Variants in SCN1A observed in about 807,000 individuals in gnomAD.
SCN1A encodes the protein sodium voltage-gated channel alpha subunit 1, also known as sodium channel protein type 1 subunit alpha.
SCN1A carries 13 observed loss-of-function variants against 193.7 expected under a neutral mutation model. That is an observed-to-expected ratio of 0.07 (90% CI 0.04 to 0.11). SCN1A has a LOEUF of 0.11. Ranked by LOEUF, SCN1A falls within the 10% of genes least tolerant of loss-of-function variation. SCN1A has a pLI of 1.00. For synonymous variants in SCN1A, 781 were observed against 843.6 expected (o/e 0.93, Z 1.29); for missense variants, 1,432 against 2,451.1 (o/e 0.58, Z 8.78).
At chr2:166,051,652 T>C in intron 9 of SCN1A, 67 bp downstream of exon 9, 1 of 1,278,008 alleles carries the variant, frequency 7.8e-7, no homozygotes, top group African/African-American at 1.5e-5. Flanking sequence ...CCTCAAGTAT[T>C]TATCCTTTGT....
At chr2:166,064,657 C>CT (rs1683655120) in intron 4 of SCN1A, among the ~76,000 whole-genome samples, 1 of 151,968 alleles carries the variant, frequency 6.6e-6, no homozygotes, top group Non-Finnish European at 1.5e-5. Flanking sequence ...TTTCCAGTTT[C>CT]TTTTTCTCAT....
At position 166,038,063 on chromosome 2, in the gene SCN1A, C is replaced by T. The variant is rs368663649; in HGVS notation, c.2659G>A (p.Val887Met). The change falls in exon 18 of 29, where the codon GTG becomes ATG. Residue 887 changes from valine (V) to methionine (M), a missense_variant. Around this residue, in one of 18 missense-constraint regions of SCN1A, gnomAD observed 93 missense variants for 260.4 expected, o/e 0.36. Transcript: ENST00000674923. ...NMLIKIIGNS[V>M]GALGNLTLVL... ...AGGGTTAAATTTCCCAGAGCCCCCA[C>T]GGAATTGCCGATGATCTTTATTAGC... is the stretch of plus-strand genomic sequence containing the variant. The T allele has an allele frequency of 6.2e-6, 10 of 1,613,996 alleles. No homozygotes were observed. The highest frequency in any genetic ancestry group is 1.6e-4 in the Middle Eastern group (1 of 6,084).
intron 4 of SCN1A, among the ~76,000 whole-genome samples, chr2:166,069,258 T>C (rs1346584019): frequency 6.6e-6 from 1 of 152,192 alleles, no homozygotes; most frequent in Non-Finnish European, 1.5e-5. Context: ...GTTTTTAACC[T>C]GGAACTCTGA....
Position 166,058,550 on chromosome 2 carries a change from A to T in SCN1A, c.383+20T>A. ...AGATCATGTACAAATAGTTAATATT[A>T]ATCACTTGAAAAAGGATATGAATGT... On this transcript the variant is annotated intron_variant, in intron 5 of 28. Coordinates refer to ENST00000674923, the MANE Select transcript of SCN1A (RefSeq NM_001165963.4). The T allele has an allele frequency of 7.7e-7, 1 of 1,303,494 alleles. No homozygotes were observed. The highest frequency in any genetic ancestry group is 1.1e-6 in the Non-Finnish European group (1 of 897,990). 80.7% of individuals were successfully genotyped at this position (1,303,494 alleles called of 1,614,324 possible). A position where few individuals can be genotyped will look rare whatever the true frequency, so the allele number is the denominator to read the frequency against.
chr2:166,136,795 G>A (rs1691877131), intron 1 of SCN1A, among the ~76,000 whole-genome samples: 1 of 152,200 alleles, frequency 6.6e-6, no homozygotes. Flanking sequence ...CCAGATTCCG[G>A]TGAGAGCTAG....
At chr2:165,997,135 TA>T (rs1690187558) in intron 26 of SCN1A, among the ~76,000 whole-genome samples, 1 of 151,172 alleles carries the variant, frequency 6.6e-6, no homozygotes, top group South Asian at 2.1e-4. Flanking sequence ...AGGAAATAAT[TA>T]AAGCCTTATT....
chr2:166,147,744 A>T (rs561767645), intron 1 of SCN1A, among the ~76,000 whole-genome samples: 3 of 152,182 alleles, frequency 2.0e-5, no homozygotes, highest in Non-Finnish European at 2.9e-5. Flanking sequence ...AATCATGTAC[A>T]TGTTTAATCA....
intron 1 of SCN1A, among the ~76,000 whole-genome samples, chr2:166,133,180 T>C (rs572496099): frequency 6.6e-6 from 1 of 152,268 alleles, no homozygotes; most frequent in East Asian, 1.9e-4. Flanking sequence ...AGGGAAGTTG[T>C]GGGATTATGA....
chr2:166,076,035 G>A (rs1684955303), intron 3 of SCN1A, among the ~76,000 whole-genome samples: 1 of 151,410 alleles, frequency 6.6e-6, no homozygotes, highest in African/African-American at 2.4e-5. Context: ...CATCTTTTAA[G>A]ACAAAATATT....
chr2:166,104,647 G>A (rs1386726782), intron 2 of SCN1A, among the ~76,000 whole-genome samples: 3 of 152,186 alleles, frequency 2.0e-5, no homozygotes, highest in Non-Finnish European at 2.9e-5. Flanking sequence ...GAAGGCTGAG[G>A]TGGGGGGATT....
At chr2:166,098,120 C>T (rs1003613131) in intron 2 of SCN1A, among the ~76,000 whole-genome samples, 3 of 152,086 alleles carry the variant, frequency 2.0e-5, no homozygotes, top group Non-Finnish European at 4.4e-5. Flanking sequence ...AAATCCTCAA[C>T]AAAATACTAG....
At chr2:166,039,315 A>C (rs1696843072) in intron 17 of SCN1A, 108 bp downstream of exon 17, 1 of 1,131,504 alleles carries the variant, frequency 8.8e-7, no homozygotes, top group Non-Finnish European at 1.3e-6. Context: ...TTACAGAAAA[A>C]CTTACAATGC....
chr2:166,054,983 A>G (rs538276980), intron 6 of SCN1A, among the ~76,000 whole-genome samples: 3 of 152,172 alleles, frequency 2.0e-5, no homozygotes, highest in African/African-American at 7.2e-5. Context: ...AGTGTGAGAA[A>G]TACAAGGTAT....
intron 9 of SCN1A, 109 bp from the exon 10 acceptor site, chr2:166,049,058 A>C: frequency 2.8e-6 from 2 of 725,428 alleles, no homozygotes; most frequent in Non-Finnish European, 5.0e-6. Flanking sequence ...AATTTTAAAT[A>C]TATTATTCAT....
chr2:166,105,351 A>G (rs1483072760), intron 2 of SCN1A, among the ~76,000 whole-genome samples: 2 of 152,232 alleles, frequency 1.3e-5, no homozygotes, highest in African/African-American at 2.4e-5. Flanking sequence ...ACCTTTGCCA[A>G]TAGAAGTGAA....
intron 15 of SCN1A, 123 bp downstream of exon 15, chr2:166,042,169 T>C: frequency 4.4e-6 from 4 of 919,156 alleles, no homozygotes; most frequent in Non-Finnish European, 6.6e-6. Context: ...AAATAACAGC[T>C]CTTGAATTAG....
At chr2:166,109,450 A>C (rs1375145219) in intron 2 of SCN1A, 1 of 152,350 alleles carries the variant, frequency 6.6e-6, no homozygotes, top group Non-Finnish European at 1.5e-5. Context: ...ATATACATAC[A>C]TACCTTGACA....
At chr2:166,015,891 T>C (rs1438235797) in intron 19 of SCN1A, 164 bp from the exon 20 acceptor site, 1 of 718,110 alleles carries the variant, frequency 1.4e-6, no homozygotes, top group African/African-American at 1.8e-5. Context: ...AGAAAATCAT[T>C]GTCTGTGCTA....
chr2:166,009,593 A>C, intron 23 of SCN1A, 126 bp downstream of exon 23: 1 of 792,886 alleles, frequency 1.3e-6, no homozygotes, highest in Non-Finnish European at 1.9e-6. Flanking sequence ...AACAGATAAA[A>C]CAATAAAGTA....
Sources: allele counts gnomAD v4.1 joint callset (sites outside exome capture counted in the v4.1 genomes callset), GRCh38; gene constraint gnomAD v4.1.1; regional missense constraint gnomAD v4.1.1; transcripts MANE v1.5; gene names NCBI Gene and HGNC (gene_info 2026-07-23, HGNC 2026-07-21).